Variants in POLR3H observed in about 807,000 individuals in gnomAD.
The protein encoded by POLR3H is DNA-directed RNA polymerase III subunit RPC8.
A neutral mutation model predicts 25.5 loss-of-function variants in POLR3H; 17 were observed. The ratio of observed to expected loss-of-function variants is 0.67; its 90% confidence interval spans 0.46 to 1.00. The LOEUF is 1.00. Ranked by LOEUF, POLR3H falls within the 50% of genes least tolerant of loss-of-function variation. POLR3H has a pLI of 0.00. For synonymous variants in POLR3H, 129 were observed against 103.0 expected (o/e 1.25, Z -1.53); for missense variants, 274 against 265.0 (o/e 1.03, Z -0.24).
chr22:41,538,765 C>A (rs747020871), intron 2 of POLR3H, among the ~76,000 whole-genome samples: 1 of 152,212 alleles, frequency 6.6e-6, no homozygotes, highest in Admixed American at 6.5e-5. Context: ...ACAAAGACAG[C>A]CTGTTTCTTC....
rs184057079 is a variant in POLR3H at position 41,529,036 on chromosome 22, G to T, written c.*247C>A. On this transcript the variant is annotated 3_prime_UTR_variant, in exon 6 of 6. Coordinates refer to ENST00000355209, the MANE Select transcript of POLR3H (RefSeq NM_001018050.4). ...TGTTGTCAAGTCCAGGGTCCAGGAAGGGTCTTTTCAGTCAAGGTCAGTGGA... is the reference window on the plus strand; with the variant it reads ...TGTTGTCAAGTCCAGGGTCCAGGAATGGTCTTTTCAGTCAAGGTCAGTGGA... 1.0e-3 allele frequency: 592 copies of T among 566,374 alleles called. 7 individuals are homozygous for T. The highest frequency in any genetic ancestry group is 9.8e-3 in the African/African-American group (522 of 53,096). The allele number at this position is 566,374 out of a possible 1,614,324, so 35.1% of individuals were successfully genotyped here. A position where few individuals can be genotyped will look rare whatever the true frequency, so the allele number is the denominator to read the frequency against.
chr22:41,544,075 G>A lies in POLR3H; in HGVS notation c.27C>T (p.Asp9=), dbSNP rs763321497. The change falls in exon 1 of 6, where the codon GAC becomes GAT. Residue 9 remains aspartate (D), a synonymous_variant. Coordinates refer to ENST00000355209, the MANE Select transcript of POLR3H (RefSeq NM_001018050.4). MFVLVEMV[D]TVRIPPWQFE... is the part of the protein sequence containing the mutation. ...ACTGCCAAGGGGGGATCCGGACGGT[G>A]TCCACCATTTCCACCAGGACGAACA... 2.5e-6 allele frequency: 4 copies of A among 1,613,152 alleles called. No homozygotes were observed. Among genetic ancestry groups the A allele is most frequent in the Non-Finnish European group, 2.5e-6 (3 of 1,179,244 alleles).
At position 41,526,084 on chromosome 22, in the gene POLR3H, A is replaced by G. The variant is rs1199814972; in HGVS notation, c.*3199T>C. 5.1e-6 allele frequency: 3 copies of G among 586,752 alleles called. No individual in the cohort carries two copies. The East Asian group carries it at 8.5e-5, about 17-fold the overall frequency. The allele number at this position is 586,752 out of a possible 1,614,324, so 36.3% of individuals were successfully genotyped here. On this transcript the variant is annotated 3_prime_UTR_variant, in exon 6 of 6. Transcript: ENST00000355209. ...GGGGATGAAGGCCTGGCCTGAGCCC[A>G]TGTGGCCTTAGGGTGGAAGCACCAG...
Position 41,526,256 on chromosome 22 carries a change from C to A in POLR3H, c.*3027G>T. 6.2e-7 allele frequency: 1 copy of A among 1,610,788 alleles called. No homozygotes were observed. The highest frequency in any genetic ancestry group is 8.5e-7 in the Non-Finnish European group (1 of 1,178,984). On this transcript the variant is annotated 3_prime_UTR_variant, in exon 6 of 6. Coordinates refer to ENST00000355209, the MANE Select transcript of POLR3H (RefSeq NM_001018050.4). ...TGACCTCTGTCCTCTCTACTTACCA[C>A]CCAAGGTCAAAGGGAAGTGTACCAC...
rs55695464 is a variant in POLR3H, at chr22:41,531,123, C to T, written c.360-235G>A. On this transcript the variant is annotated intron_variant, in intron 4 of 5. Transcript: ENST00000355209. ...ACATGGGGTCCCCAGCCAGGCACCA[C>T]GGCCAGACGCACATGGATCTCAGAG... is the stretch of plus-strand genomic sequence containing the variant. Among the ~76,000 whole-genome samples the T allele has an allele frequency of 9.9e-3, 1,515 of 152,320 alleles. 32 individuals are homozygous for T. The highest frequency in any genetic ancestry group is 0.035 in the African/African-American group (1,439 of 41,558).
Position 41,526,321 on chromosome 22 carries a change from TG to T in POLR3H, c.*2961del. The T allele has an allele frequency of 6.2e-7, 1 of 1,612,954 alleles. No homozygotes were observed. The highest frequency in any genetic ancestry group is 1.3e-5 in the African/African-American group (1 of 75,034). On this transcript the variant is annotated 3_prime_UTR_variant, in exon 6 of 6. Coordinates refer to ENST00000355209, the MANE Select transcript of POLR3H (RefSeq NM_001018050.4). ...CTGCTGGCCCCTGGCTCAAGTTCCGTGGGCACTTGGATAACATCTCCAACAA... is the reference window on the plus strand; with the variant it reads ...CTGCTGGCCCCTGGCTCAAGTTCCGTGGCACTTGGATAACATCTCCAACAA...
chr22:41,541,557 G>C (rs1158957843), intron 1 of POLR3H, among the ~76,000 whole-genome samples: 2 of 152,114 alleles, frequency 1.3e-5, no homozygotes, highest in Non-Finnish European at 2.9e-5. Flanking sequence ...AGAACTCAGA[G>C]TCGTGGCCAG....
chr22:41,538,068 C>G (rs975817528), intron 2 of POLR3H, among the ~76,000 whole-genome samples: 2 of 151,574 alleles, frequency 1.3e-5, no homozygotes, highest in Non-Finnish European at 2.9e-5. Flanking sequence ...TGGGTTCAAG[C>G]GATTCTCCTG....
rs764260085 is a variant in POLR3H at position 41,526,314 on chromosome 22, A to T, written c.*2969T>A. Reference sequence around the variant, plus strand: ...ATCTCAGCTGCTGGCCCCTGGCTCAAGTTCCGTGGGCACTTGGATAACATC... The same window carrying T: ...ATCTCAGCTGCTGGCCCCTGGCTCATGTTCCGTGGGCACTTGGATAACATC... On this transcript the variant is annotated 3_prime_UTR_variant, in exon 6 of 6. Coordinates refer to ENST00000355209, the MANE Select transcript of POLR3H (RefSeq NM_001018050.4). 1 of 1,612,830 alleles carries T rather than the reference A, an allele frequency of 6.2e-7. No individual in the cohort carries two copies. Among genetic ancestry groups the T allele is most frequent in the South Asian group, 1.1e-5 (1 of 91,012 alleles).
intron 5 of POLR3H, among the ~76,000 whole-genome samples, chr22:41,529,971 G>A (rs203314): frequency 0.017 from 2,517 of 152,008 alleles, 75 homozygotes; most frequent in African/African-American, 0.056. Flanking sequence ...TAGCCAGGAT[G>A]GTCTCAATCT....
chr22:41,544,491 A>G (rs1012157154), upstream of POLR3H: 2 of 155,516 alleles, frequency 1.3e-5, no homozygotes, highest in African/African-American at 4.9e-5. Context: ...TTCCGAATCC[A>G]TCGCTTCCGG....
intron 4 of POLR3H, among the ~76,000 whole-genome samples, chr22:41,531,438 C>T (rs1471485520): frequency 1.3e-5 from 2 of 152,210 alleles, no homozygotes; most frequent in African/African-American, 2.4e-5. Flanking sequence ...AGGGCAGTCC[C>T]CCTTGGCTCT....
rs546187278 is a variant in POLR3H at position 41,528,428 on chromosome 22, A to G, written c.*855T>C. 132 of 1,596,978 alleles carry G rather than the reference A, an allele frequency of 8.3e-5. No individual in the cohort carries two copies. The highest frequency in any genetic ancestry group is 4.6e-4 in the Middle Eastern group (2 of 4,360). On this transcript the variant is annotated 3_prime_UTR_variant, in exon 6 of 6. Transcript: ENST00000355209. Reference sequence around the variant, plus strand: ...GTCTCCCTGACCCCCCTGCGGGGCCAAGGGCACACAGTACCCACCACTTCC... The same window carrying G: ...GTCTCCCTGACCCCCCTGCGGGGCCGAGGGCACACAGTACCCACCACTTCC...
intron 3 of POLR3H, 107 bp downstream of exon 3, chr22:41,532,552 G>C: frequency 6.3e-7 from 1 of 1,584,872 alleles, no homozygotes; most frequent in Non-Finnish European, 8.6e-7. Flanking sequence ...CCACGGGGAA[G>C]GTTCGGCCTC....
In POLR3H at chr22:41,526,082, C is replaced by T. The variant is rs867614143; in HGVS notation, c.*3201G>A. 1 of 581,140 alleles carries T rather than the reference C, an allele frequency of 1.7e-6. No individual in the cohort carries two copies. The allele number at this position is 581,140 out of a possible 1,614,324, so 36.0% of individuals were successfully genotyped here. A position where few individuals can be genotyped will look rare whatever the true frequency, so the allele number is the denominator to read the frequency against. ...GAGGGGATGAAGGCCTGGCCTGAGCCCATGTGGCCTTAGGGTGGAAGCACC... is the reference window on the plus strand; with the variant it reads ...GAGGGGATGAAGGCCTGGCCTGAGCTCATGTGGCCTTAGGGTGGAAGCACC... On this transcript the variant is annotated 3_prime_UTR_variant, in exon 6 of 6. Transcript: ENST00000355209.
intron 5 of POLR3H, 56 bp from the exon 6 acceptor site, chr22:41,529,392 G>A: frequency 6.5e-7 from 1 of 1,538,324 alleles, no homozygotes; most frequent in Non-Finnish European, 9.0e-7. Flanking sequence ...GAACCAACCT[G>A]GACAGGAGGT....
At chr22:41,542,088 T>A (rs2066938555) in intron 1 of POLR3H, among the ~76,000 whole-genome samples, 1 of 148,544 alleles carries the variant, frequency 6.7e-6, no homozygotes, top group Admixed American at 6.6e-5. Flanking sequence ...TTACCCCTTC[T>A]TCTTTTTTTT....
In POLR3H at chr22:41,532,643, T is replaced by C; in HGVS notation, c.295+16A>G. ...GTGTTCCCAAGTCTTGTCTGAGGCGTCAGGGCCACTGTTACCGTGCACTCC... is the reference window on the plus strand; with the variant it reads ...GTGTTCCCAAGTCTTGTCTGAGGCGCCAGGGCCACTGTTACCGTGCACTCC... On this transcript the variant is annotated intron_variant, in intron 3 of 5. Transcript: ENST00000355209. 6.2e-7 allele frequency: 1 copy of C among 1,613,782 alleles called. No individual in the cohort carries two copies. Among genetic ancestry groups the C allele is most frequent in the South Asian group, 1.1e-5 (1 of 91,066 alleles).
chr22:41,537,079 G>A (rs1019911471), intron 2 of POLR3H, among the ~76,000 whole-genome samples: 2 of 152,136 alleles, frequency 1.3e-5, no homozygotes, highest in African/African-American at 4.8e-5. Context: ...GGTACAGCAG[G>A]TCCCAGGCTT....
Sources: gnomAD v4.1 joint callset for allele counts (sites outside exome capture counted in the v4.1 genomes callset) on GRCh38, gnomAD v4.1.1 for gene constraint, MANE v1.5 for transcripts, NCBI Gene and HGNC (gene_info 2026-07-23, HGNC 2026-07-21) for gene names.